UNC93B1: variants seen among roughly 807,000 people sequenced by gnomAD.
UNC93B1 encodes the protein protein unc-93 homolog B1.
In UNC93B1, 33 loss-of-function variants were observed where a neutral mutation model predicts 56.8. The ratio of observed to expected loss-of-function variants is 0.58; its 90% CI spans 0.44 to 0.78. The LOEUF is 0.78. UNC93B1 is among the 30% of genes least tolerant of loss of function. The pLI is 0.00. For synonymous variants in UNC93B1, 334 were observed against 358.6 expected (o/e 0.93, Z 0.77); for missense variants, 673 against 819.5 (o/e 0.82, Z 2.18).
intron 7 of UNC93B1, 108 bp from the exon 8 acceptor site, chr11:67,996,892 G>A (rs1444772568): frequency 8.9e-6 from 12 of 1,341,162 alleles, no homozygotes; most frequent in South Asian, 3.3e-5. Context: ...CCCCAGCTCG[G>A]CCCCGCCTCC....
rs1473873790 is a variant in UNC93B1 at position 67,999,627 on chromosome 11, AAG to A, written c.444_445del (p.Phe149CysfsTer43). 1.2e-6 allele frequency: 2 copies of A among 1,611,212 alleles called. No individual in the cohort carries two copies. Among genetic ancestry groups the A allele is most frequent in the Non-Finnish European group, 1.7e-6 (2 of 1,178,850 alleles). ...GCGCTCCCAGTAGTTGGTGGAGACA[AAG>A]AGGGCGTAGATGCCCACAGCGAGGA... On this transcript the variant is annotated frameshift_variant, in exon 4 of 11. Transcript: ENST00000227471. LOFTEE classifies it high-confidence loss of function.
intron 7 of UNC93B1, 65 bp downstream of exon 7, chr11:67,997,610 G>A: frequency 6.3e-7 from 1 of 1,592,026 alleles, no homozygotes; most frequent in Non-Finnish European, 8.5e-7. Context: ...ACCCTTTCTC[G>A]CAGACTCGGT....
chr11:67,996,578 C>T (rs1856950638), intron 8 of UNC93B1, 24 bp downstream of exon 8: 1 of 1,499,070 alleles, frequency 6.7e-7, no homozygotes, highest in South Asian at 1.3e-5. Flanking sequence ...TTTTGTCGGG[C>T]AATCCTTTGC....
At chr11:67,994,039 G>A (rs1224846461) in intron 9 of UNC93B1, among the ~76,000 whole-genome samples, 5 of 152,056 alleles carry the variant, frequency 3.3e-5, no homozygotes, top group East Asian at 1.9e-4. Flanking sequence ...AGGTGTTCCC[G>A]CTCCGCACCA....
chr11:67,992,214 G>A (rs1232488601), intron 10 of UNC93B1, among the ~76,000 whole-genome samples: 1 of 152,278 alleles, frequency 6.6e-6, no homozygotes, highest in African/African-American at 2.4e-5. Flanking sequence ...CACACCCGTG[G>A]GCTGTAGTGA....
chr11:67,995,512 A>G (rs968825559), intron 9 of UNC93B1, 99 bp downstream of exon 9: 17 of 1,020,550 alleles, frequency 1.7e-5, no homozygotes, highest in Non-Finnish European at 2.4e-5. Flanking sequence ...GGGACCCCAT[A>G]TCTGTCCCTG....
intron 4 of UNC93B1, 35 bp downstream of exon 4, chr11:67,999,483 TC>T: frequency 6.5e-7 from 1 of 1,543,152 alleles, no homozygotes. Context: ...CTTGGCCAGG[TC>T]TCCAGCCTCC....
In UNC93B1 at chr11:67,991,665, C is replaced by A. The variant is rs1175158610; in HGVS notation, c.1675G>T (p.Gly559Cys). 4 of 1,530,182 alleles carry A rather than the reference C, an allele frequency of 2.6e-6. No individual in the cohort carries two copies. Among genetic ancestry groups the A allele is most frequent in the South Asian group, 2.4e-5 (2 of 83,784 alleles). 94.8% of individuals were successfully genotyped at this position (1,530,182 alleles called of 1,614,324 possible). ...GCGGGCGGCGCCTCCTCCTCCGCGC[C>A]GTCCCCATGCTCGCCCTCCGCGTCG... ...ESDAEGEHGD[G>C]AEEEAPPAGP... is the part of the protein sequence containing the mutation. The change falls in exon 11 of 11, where the codon GGC becomes TGC. Residue 559 changes from glycine to cysteine, a missense_variant. Gly to Cys is a radical substitution (Grantham distance 159). This residue lies in a region of UNC93B1 where 80 missense variants were observed against 85.3 expected (regional missense o/e 0.94). Coordinates refer to ENST00000227471, the MANE Select transcript of UNC93B1 (RefSeq NM_030930.4).
Position 68,003,584 on chromosome 11 carries a change from G to C in UNC93B1, c.238+73C>G, listed in dbSNP as rs1308291564. 12 of 1,472,576 alleles carry C rather than the reference G, an allele frequency of 8.1e-6. No individual in the cohort carries two copies. The highest frequency in any genetic ancestry group is 1.1e-5 in the Non-Finnish European group (12 of 1,115,074). 91.2% of individuals were successfully genotyped at this position (1,472,576 alleles called of 1,614,324 possible). A position where few individuals can be genotyped will look rare whatever the true frequency, so the allele number is the denominator to read the frequency against. On this transcript the variant is annotated intron_variant, in intron 2 of 10. Transcript: ENST00000227471. This position sits in a 1 kb window ranked among gnomAD's most constrained non-coding sequence, Gnocchi z 4.4. The stretch of plus-strand genomic sequence containing the variant: ...GAAGTGAGAGCGGGCGGGAGGCGGC[G>C]GCCCGCGGTTTCTGTTTCCCGGGCC...
At chr11:67,997,520 TC>T (rs1406577329) in intron 7 of UNC93B1, 154 bp downstream of exon 7, 2 of 1,317,050 alleles carry the variant, frequency 1.5e-6, no homozygotes, top group Admixed American at 2.4e-5. Context: ...CGGCCCTAGC[TC>T]CCCAACTCAG....
intron 3 of UNC93B1, among the ~76,000 whole-genome samples, chr11:68,001,290 A>G (rs1289434283): frequency 1.3e-5 from 2 of 152,240 alleles, no homozygotes; most frequent in East Asian, 3.8e-4. Flanking sequence ...GATAGGTTTC[A>G]AAAGCCATAA....
chr11:67,995,802 A>C lies in UNC93B1; in HGVS notation c.1172T>G (p.Leu391Arg). Residue 391 changes from leucine to arginine, a missense_variant, in exon 9 of 11, where the codon CTC becomes CGC. Around this residue, in one of 3 missense-constraint regions of UNC93B1, gnomAD observed 155 missense variants for 268.3 expected, o/e 0.58. Coordinates refer to ENST00000227471, the MANE Select transcript of UNC93B1 (RefSeq NM_030930.4). The stretch of plus-strand genomic sequence containing the variant: ...CAGCCACAGGCCCAGCAGGCCCAGG[A>C]GTGAGGCGGCTGAGGCGCCCAGGCT... ...AYSLGASAAS[L>R]LGLLGLWLPR... 1 of 1,547,324 alleles carries C rather than the reference A, an allele frequency of 6.5e-7. No individual in the cohort carries two copies. The highest frequency in any genetic ancestry group is 8.7e-7 in the Non-Finnish European group (1 of 1,146,484).
At chr11:68,002,182 G>GCACA (rs1320542954) in intron 3 of UNC93B1, among the ~76,000 whole-genome samples, 1 of 27,034 alleles carries the variant, frequency 3.7e-5, no homozygotes, top group Admixed American at 4.1e-4. Context: ...TAGCCCGCTT[G>GCACA]CATACACACA....
chr11:67,995,570 T>TTGGG, intron 9 of UNC93B1, 41 bp downstream of exon 9: 1 of 182,314 alleles, frequency 5.5e-6, no homozygotes, highest in Non-Finnish European at 9.5e-6. Flanking sequence ...TAAAGCCCCC[T>TTGGG]GCCCCGCCCC....
rs747433748 is a variant in UNC93B1, at chr11:68,003,846, G to A, written c.97-48C>T. 4.4e-6 allele frequency: 6 copies of A among 1,378,484 alleles called. No homozygotes were observed. In the African/African-American group the frequency reaches 9.0e-5, roughly 21 times the overall value. 85.4% of individuals were successfully genotyped at this position (1,378,484 alleles called of 1,614,324 possible). A position where few individuals can be genotyped will look rare whatever the true frequency, so the allele number is the denominator to read the frequency against. ...GCACCCGCGATCGCGCCCCGAACCC[G>A]TGTCCCCCGGTGCCCGCCGCCCCCC... On this transcript the variant is annotated intron_variant, in intron 1 of 10. Coordinates refer to ENST00000227471, the MANE Select transcript of UNC93B1 (RefSeq NM_030930.4). The surrounding 1 kb of genome is among the most constrained non-coding windows in gnomAD (Gnocchi z 4.4).
At chr11:67,991,915 C>G (rs1394688601) in intron 10 of UNC93B1, 58 bp from the exon 11 acceptor site, 144 of 1,504,424 alleles carry the variant, frequency 9.6e-5, no homozygotes, top group Non-Finnish European at 1.2e-4. Flanking sequence ...GCACCTTCCC[C>G]GCCTATGCCC....
chr11:67,999,762 G>A, intron 3 of UNC93B1, 82 bp from the exon 4 acceptor site: 1 of 1,524,058 alleles, frequency 6.6e-7, no homozygotes, highest in Non-Finnish European at 8.8e-7. Context: ...ACAACCGCAG[G>A]TCCCAGCTCA....
chr11:68,002,978 G>C (rs753488130), intron 3 of UNC93B1, 44 bp downstream of exon 3: 5 of 1,565,436 alleles, frequency 3.2e-6, no homozygotes, highest in Non-Finnish European at 4.3e-6. Flanking sequence ...GTACCCCTCC[G>C]AAATGGGAGT....
chr11:68,003,610 G>A lies in UNC93B1; in HGVS notation c.238+47C>T, dbSNP rs568688811. 4.0e-6 allele frequency: 6 copies of A among 1,488,164 alleles called. No individual in the cohort carries two copies. In the East Asian group the frequency reaches 8.3e-5, roughly 21 times the overall value. The allele number at this position is 1,488,164 out of a possible 1,614,324, so 92.2% of individuals were successfully genotyped here. A position where few individuals can be genotyped will look rare whatever the true frequency, so the allele number is the denominator to read the frequency against. On this transcript the variant is annotated intron_variant, in intron 2 of 10. Coordinates refer to ENST00000227471, the MANE Select transcript of UNC93B1 (RefSeq NM_030930.4). This position sits in a 1 kb window ranked among gnomAD's most constrained non-coding sequence, Gnocchi z 4.4. ...GCCCGCGGTTTCTGTTTCCCGGGCC[G>A]GGCTGGGAGCGGGCGGGGCGGCCCC...
Sources: gnomAD v4.1 joint callset for allele counts (sites outside exome capture counted in the v4.1 genomes callset) on GRCh38, gnomAD v4.1.1 for gene constraint, gnomAD v4.1.1 regional missense constraint, Gnocchi (gnomAD v3.1) non-coding constraint, MANE v1.5 for transcripts, NCBI Gene and HGNC (gene_info 2026-07-23, HGNC 2026-07-21) for gene names.